The following PLPPR4 variants were observed in gnomAD, a reference collection of about 807,000 sequenced individuals.
PLPPR4 encodes phospholipid phosphatase related 4, also known as phospholipid phosphatase-related protein type 4.
A neutral mutation model predicts 56.6 loss-of-function variants in PLPPR4; 24 were observed. The observed-to-expected ratio is 0.42, with a 90% CI of 0.31 to 0.60. PLPPR4 has a LOEUF of 0.60. PLPPR4 is among the 20% of genes least tolerant of loss of function. The probability of loss-of-function intolerance (pLI) is 0.13; values close to 1 mark genes in which losing one functional copy is unlikely to be tolerated. For missense variants in PLPPR4, 654 were observed against 885.8 expected, an observed-to-expected ratio of 0.74 and a Z score of 3.32; for synonymous variants, 326 against 328.1, an observed-to-expected ratio of 0.99 and a Z score of 0.07.
intron 1 of PLPPR4, among the ~76,000 whole-genome samples, chr1:99,270,011 G>GTC (rs984992739): frequency 6.7e-6 from 1 of 149,594 alleles, no homozygotes; most frequent in African/African-American, 2.5e-5. Context: ...GTGTGTGTGT[G>GTC]TGTGTGTGTG....
intron 4 of PLPPR4, among the ~76,000 whole-genome samples, 162 bp downstream of exon 4, chr1:99,299,392 G>T (rs1659824862): frequency 6.6e-6 from 1 of 151,784 alleles, no homozygotes; most frequent in Non-Finnish European, 1.5e-5. Context: ...GAAACTCATT[G>T]GGGGCTTATT....
intron 1 of PLPPR4, among the ~76,000 whole-genome samples, chr1:99,274,374 T>G (rs1251633271): frequency 3.3e-5 from 5 of 152,080 alleles, no homozygotes; most frequent in African/African-American, 9.7e-5. Flanking sequence ...AAGACAGGCC[T>G]AGTAAATGAA....
Position 99,301,731 on chromosome 1 carries a change from T to C in PLPPR4, c.656T>C (p.Phe219Ser). 1 of 1,603,662 alleles carries C rather than the reference T, an allele frequency of 6.2e-7. No individual in the cohort carries two copies. The highest frequency in any genetic ancestry group is 8.5e-7 in the Non-Finnish European group (1 of 1,174,152). ...AFAAVYVSMY[F>S]NSTLTDSSKL... ...ATTTCTTCCATTTTTAAGATGTACT[T>C]CAATTCCACATTAACGGATTCCTCT... is the stretch of plus-strand genomic sequence containing the variant. Residue 219 changes from phenylalanine to serine, a missense_variant, in exon 6 of 7, where the codon TTC becomes TCC. By Grantham distance (155) the Phe-to-Ser change is radical (BLOSUM62 -2). This residue lies in a region of PLPPR4 where 186 missense variants were observed against 331.4 expected (regional missense o/e 0.56). Coordinates refer to ENST00000370185, the MANE Select transcript of PLPPR4 (RefSeq NM_014839.5).
intron 1 of PLPPR4, among the ~76,000 whole-genome samples, chr1:99,266,034 A>G (rs1393380191): frequency 1.3e-5 from 2 of 152,230 alleles, no homozygotes; most frequent in Non-Finnish European, 2.9e-5. Context: ...CTCTTTTCAC[A>G]AGAGATTTTT....
intron 2 of PLPPR4, among the ~76,000 whole-genome samples, chr1:99,294,229 T>G (rs2100803433): frequency 6.6e-6 from 1 of 152,162 alleles, no homozygotes; most frequent in South Asian, 2.1e-4. Context: ...TTAGCTGAGG[T>G]TAAGTGACAG....
At chr1:99,270,096 C>T (rs1659017898) in intron 1 of PLPPR4, among the ~76,000 whole-genome samples, 1 of 150,966 alleles carries the variant, frequency 6.6e-6, no homozygotes, top group Non-Finnish European at 1.5e-5. Context: ...ATGATCACAG[C>T]TCACTGCAAC....
chr1:99,303,346 T>A (rs1659934666), intron 6 of PLPPR4, among the ~76,000 whole-genome samples: 1 of 152,084 alleles, frequency 6.6e-6, no homozygotes, highest in Non-Finnish European at 1.5e-5. Context: ...GAAGCAGATT[T>A]GTGGGGTAAA....
intron 1 of PLPPR4, among the ~76,000 whole-genome samples, chr1:99,270,550 ATT>A (rs1429690330): frequency 2.6e-5 from 4 of 152,196 alleles, no homozygotes; most frequent in African/African-American, 9.7e-5. Flanking sequence ...CCTTAATACA[ATT>A]TTTATTTTCT....
At position 99,306,351 on chromosome 1, in the gene PLPPR4, A is replaced by G; in HGVS notation, c.1489A>G (p.Ser497Gly). 1 of 1,614,166 alleles carries G rather than the reference A, an allele frequency of 6.2e-7. No individual in the cohort carries two copies. The highest frequency in any genetic ancestry group is 1.1e-5 in the South Asian group (1 of 91,082). The change falls in exon 7 of 7, where the codon AGC becomes GGC. Residue 497 changes from serine to glycine, a missense_variant. Coordinates refer to ENST00000370185, the MANE Select transcript of PLPPR4 (RefSeq NM_014839.5). The surrounding 1 kb of genome is among the most constrained non-coding windows in gnomAD (Gnocchi z 4.0). ...CCCTGAGGAGACTCAGGAAAACATAAGCACCTCCCCCAAAAGCAGCTCTGC... is the reference window on the plus strand; with the variant it reads ...CCCTGAGGAGACTCAGGAAAACATAGGCACCTCCCCCAAAAGCAGCTCTGC... ...HIPEETQENISTSPKSSSARA... is the reference protein window; with the variant it reads ...HIPEETQENIGTSPKSSSARA...
chr1:99,294,515 G>A (rs1440409206), intron 2 of PLPPR4, among the ~76,000 whole-genome samples: 2 of 152,084 alleles, frequency 1.3e-5, no homozygotes, highest in African/African-American at 4.8e-5. Context: ...GGACAACGAG[G>A]TGAAACCCTG....
chr1:99,266,262 A>T (rs1658894040), intron 1 of PLPPR4, among the ~76,000 whole-genome samples: 1 of 152,202 alleles, frequency 6.6e-6, no homozygotes, highest in Non-Finnish European at 1.5e-5. Flanking sequence ...ACATTTGTCT[A>T]GGAGAAATCA....
At chr1:99,265,639 T>C (rs1388861038) in intron 1 of PLPPR4, among the ~76,000 whole-genome samples, 1 of 152,192 alleles carries the variant, frequency 6.6e-6, no homozygotes, top group Non-Finnish European at 1.5e-5. Context: ...AGAGTCTGGG[T>C]TGCATAGAGA....
At chr1:99,301,298 T>TGC (rs1396917474) in intron 5 of PLPPR4, among the ~76,000 whole-genome samples, 2 of 151,272 alleles carry the variant, frequency 1.3e-5, no homozygotes, top group Admixed American at 1.3e-4. Context: ...ACATACAACG[T>TGC]GCACACACAC....
At chr1:99,277,825 A>G (rs1435126869) in intron 1 of PLPPR4, among the ~76,000 whole-genome samples, 4 of 151,994 alleles carry the variant, frequency 2.6e-5, no homozygotes, top group Non-Finnish European at 4.4e-5. Context: ...AAATCCATTC[A>G]CAGTTTTTTC....
chr1:99,268,601 CT>C (rs1216724200), intron 1 of PLPPR4, among the ~76,000 whole-genome samples: 1 of 152,144 alleles, frequency 6.6e-6, no homozygotes, highest in African/African-American at 2.4e-5. Flanking sequence ...AATGAAATGG[CT>C]TATGGTTGAC....
intron 1 of PLPPR4, among the ~76,000 whole-genome samples, chr1:99,280,921 T>A (rs951370092): frequency 5.9e-5 from 9 of 152,090 alleles, no homozygotes; most frequent in Non-Finnish European, 1.3e-4. Context: ...TTCTAAAAAA[T>A]TTGCACTTTA....
At chr1:99,271,943 T>TGAGA (rs1553190909) in intron 1 of PLPPR4, among the ~76,000 whole-genome samples, 10 of 127,048 alleles carry the variant, frequency 7.9e-5, no homozygotes, top group South Asian at 2.9e-4. Flanking sequence ...TGTGTGTGTG[T>TGAGA]GATGGAGATC....
rs982030409 is a variant in PLPPR4 at position 99,272,922 on chromosome 1, C to T, written c.78+8251C>T. Among the ~76,000 whole-genome samples the T allele has an allele frequency of 9.2e-5, 14 of 151,840 alleles. No individual in the cohort carries two copies. The South Asian group carries it at 2.5e-3, about 27-fold the overall frequency. On this transcript the variant is annotated intron_variant, in intron 1 of 6. Transcript: ENST00000370185. ...GACTCAGGGAAGTCCAAAAACTTGCCTAAAACTCAAGTAGTGCTATTTTTC... is the reference window on the plus strand; with the variant it reads ...GACTCAGGGAAGTCCAAAAACTTGCTTAAAACTCAAGTAGTGCTATTTTTC...
chr1:99,283,717 A>G (rs7547859), intron 1 of PLPPR4, among the ~76,000 whole-genome samples: 8 of 152,296 alleles, frequency 5.3e-5, no homozygotes, highest in South Asian at 2.1e-4. Context: ...TCGAGAGGCC[A>G]AGGCGGGCGG....
Sources: allele counts gnomAD v4.1 joint callset (sites outside exome capture counted in the v4.1 genomes callset), GRCh38; gene constraint gnomAD v4.1.1; regional missense constraint gnomAD v4.1.1; non-coding constraint Gnocchi (gnomAD v3.1); transcripts MANE v1.5; gene names NCBI Gene and HGNC (gene_info 2026-07-23, HGNC 2026-07-21).